QRFPR: variants seen among roughly 807,000 people sequenced by gnomAD.
QRFPR encodes pyroglutamylated RF-amide peptide receptor.
QRFPR carries 37 observed loss-of-function variants against 31.3 expected under a neutral mutation model. The ratio of observed to expected loss-of-function variants is 1.18; its 90% confidence interval spans 0.91 to 1.56. The LOEUF (loss-of-function observed/expected upper bound fraction) is 1.56, where lower values mean the gene tolerates loss of function less well. Ranked by LOEUF, QRFPR falls within the 40% of genes most tolerant of loss-of-function variation. The pLI is 0.00. For missense variants in QRFPR, 542 were observed against 532.5 expected (o/e 1.02, Z -0.18); for synonymous variants, 197 against 192.0 (o/e 1.03, Z -0.22).
chr4:121,349,700 C>G (rs1725727221), intron 1 of QRFPR, among the ~76,000 whole-genome samples: 1 of 152,078 alleles, frequency 6.6e-6, no homozygotes, highest in South Asian at 2.1e-4. Flanking sequence ...TAAACATCTA[C>G]CAGATTTCAT....
chr4:121,364,835 G>C (rs1458253061), intron 1 of QRFPR, among the ~76,000 whole-genome samples: 1 of 149,520 alleles, frequency 6.7e-6, no homozygotes, highest in Non-Finnish European at 1.5e-5. Context: ...ATATGAGATA[G>C]TAAAAACATA....
At chr4:121,335,600 A>C (rs1318687050) in intron 3 of QRFPR, among the ~76,000 whole-genome samples, 1 of 135,958 alleles carries the variant, frequency 7.4e-6, no homozygotes, top group Non-Finnish European at 1.6e-5. Flanking sequence ...CGGGGAGAGG[A>C]GTGGGGCAGG....
chr4:121,376,675 T>C (rs188269140), intron 1 of QRFPR, among the ~76,000 whole-genome samples: 288 of 151,920 alleles, frequency 1.9e-3, no homozygotes, highest in African/African-American at 6.8e-3. Context: ...CTGAGTAGAG[T>C]TGTGCACACT....
intron 1 of QRFPR, among the ~76,000 whole-genome samples, chr4:121,345,462 T>A (rs1269177772): frequency 6.6e-6 from 1 of 152,230 alleles, no homozygotes; most frequent in Non-Finnish European, 1.5e-5. Context: ...TATACTTCTC[T>A]TTTGCTACCT....
At chr4:121,380,231 G>GATCCCCTGAAAGGC (rs1726456887) in intron 1 of QRFPR, 77 bp downstream of exon 1, 2 of 1,008,534 alleles carry the variant, frequency 2.0e-6, no homozygotes, top group Admixed American at 1.9e-5. Context: ...GAGAGAGAGA[G>GATCCCCTGAAAGGC]AGAGAGAGAG....
At chr4:121,331,512 G>C (rs1044325798) in intron 4 of QRFPR, among the ~76,000 whole-genome samples, 3 of 151,160 alleles carry the variant, frequency 2.0e-5, no homozygotes, top group African/African-American at 7.3e-5. Context: ...TGATTAACCA[G>C]GGCTTCAAAC....
At chr4:121,363,636 T>C (rs1726031616) in intron 1 of QRFPR, among the ~76,000 whole-genome samples, 1 of 150,092 alleles carries the variant, frequency 6.7e-6, no homozygotes, top group Non-Finnish European at 1.5e-5. Flanking sequence ...TAAAAGGATA[T>C]ATAGAAAAGC....
chr4:121,346,275 T>C (rs1047357642), intron 1 of QRFPR, among the ~76,000 whole-genome samples: 2 of 152,150 alleles, frequency 1.3e-5, no homozygotes, highest in African/African-American at 4.8e-5. Context: ...ACCTGTAGGG[T>C]CCATAGGCAC....
At chr4:121,331,809 C>T (rs1027041075) in intron 4 of QRFPR, among the ~76,000 whole-genome samples, 1 of 151,966 alleles carries the variant, frequency 6.6e-6, no homozygotes, top group African/African-American at 2.4e-5. Context: ...CCCACGACCA[C>T]GCCTGGCTAA....
Position 121,347,731 on chromosome 4 carries a change from T to G in QRFPR, c.341-7121A>C, listed in dbSNP as rs138476869. ...AATGTCTTTTATCTATAACTTTACATTTACTCTGTCAAGACTGATAGTTTT... is the reference window on the plus strand; with the variant it reads ...AATGTCTTTTATCTATAACTTTACAGTTACTCTGTCAAGACTGATAGTTTT... On this transcript the variant is annotated intron_variant, in intron 1 of 5. Coordinates refer to ENST00000394427, the MANE Select transcript of QRFPR (RefSeq NM_198179.3). 6.0e-3 allele frequency among the ~76,000 whole-genome samples: 920 copies of G among 152,230 alleles called. 4 individuals are homozygous for G. The highest frequency in any genetic ancestry group is 8.6e-3 in the Non-Finnish European group (583 of 67,978).
intron 1 of QRFPR, 148 bp downstream of exon 1, chr4:121,380,160 C>G: frequency 1.7e-6 from 1 of 594,336 alleles, no homozygotes; most frequent in East Asian, 2.9e-5. Context: ...AAGAGACAGA[C>G]GAGAGAGAGA....
chr4:121,336,748 A>G (rs1214334602), intron 3 of QRFPR, 59 bp downstream of exon 3: 6 of 1,347,016 alleles, frequency 4.5e-6, no homozygotes, highest in Non-Finnish European at 6.4e-6. Flanking sequence ...AATAATTACA[A>G]TTAAGAGGGG....
At chr4:121,349,227 CT>C (rs11378284) in intron 1 of QRFPR, among the ~76,000 whole-genome samples, 3 of 151,710 alleles carry the variant, frequency 2.0e-5, no homozygotes, top group Non-Finnish European at 2.9e-5. Context: ...AACATGTGTC[CT>C]TTTTTTTACT....
chr4:121,369,693 A>G lies in QRFPR; in HGVS notation c.340+10615T>C. 3 of 1,583,852 alleles carry G rather than the reference A, an allele frequency of 1.9e-6. No homozygotes were observed. In the Admixed American group the frequency reaches 5.0e-5, roughly 26 times the overall value. On this transcript the variant is annotated intron_variant, in intron 1 of 5. Transcript: ENST00000394427. ...CCAAAGAGGCCCCACTTATCTGACA[A>G]GTTTCTGTCCTTATCCCCACTTCCA...
rs2302309 is a variant in QRFPR, at chr4:121,336,795, A to G, written c.561+12T>C. ...TTCAACAATATGATTATACATCTCA[A>G]CTGGAGTCTACCTCAAGTTGTTGCA... On this transcript the variant is annotated intron_variant, in intron 3 of 5. Transcript: ENST00000394427. The G allele has an allele frequency of 0.36, 578,466 of 1,592,260 alleles. 108,577 individuals are homozygous for G. The highest frequency in any genetic ancestry group is 0.52 in the Middle Eastern group (3,115 of 6,018).
At chr4:121,348,082 A>G (rs899207327) in intron 1 of QRFPR, among the ~76,000 whole-genome samples, 1 of 152,042 alleles carries the variant, frequency 6.6e-6, no homozygotes, top group Non-Finnish European at 1.5e-5. Context: ...TCTTCACCAC[A>G]GTATAGTAGT....
At chr4:121,370,222 G>T in intron 1 of QRFPR, 1 of 777,072 alleles carries the variant, frequency 1.3e-6, no homozygotes, top group South Asian at 1.3e-5. Flanking sequence ...GGAGTCATGG[G>T]TGCAGGGTCC....
At chr4:121,370,201 C>A in intron 1 of QRFPR, 2 of 773,998 alleles carry the variant, frequency 2.6e-6, no homozygotes, top group East Asian at 2.4e-5. Context: ...CTGCCCATGT[C>A]TGATGGAGGA....
At chr4:121,339,033 A>AAACT (rs1560734759) in intron 2 of QRFPR, among the ~76,000 whole-genome samples, 2 of 152,184 alleles carry the variant, frequency 1.3e-5, no homozygotes, top group Non-Finnish European at 2.9e-5. Context: ...CATAAAATTA[A>AAACT]AACTAACTAA....
Sources: allele counts gnomAD v4.1 joint callset (sites outside exome capture counted in the v4.1 genomes callset), GRCh38; gene constraint gnomAD v4.1.1; transcripts MANE v1.5; gene names NCBI Gene and HGNC (gene_info 2026-07-23, HGNC 2026-07-21).